Variants in LRRC7 observed in about 807,000 individuals in gnomAD.
LRRC7 encodes the protein leucine rich repeat containing 7.
A neutral mutation model predicts 175.7 loss-of-function variants in LRRC7; 23 were observed. The observed-to-expected ratio is 0.13, with a 90% CI of 0.09 to 0.19. The LOEUF is 0.19. Among genes scored for constraint, LRRC7 ranks in the 10% least tolerant of loss-of-function variants. LRRC7 has a pLI of 1.00. For missense variants in LRRC7, 1,354 were observed against 1,904.7 expected (o/e 0.71, Z 5.38); for synonymous variants, 685 against 680.9 (o/e 1.01, Z -0.09).
intron 2 of LRRC7, among the ~76,000 whole-genome samples, chr1:69,687,212 G>T (rs992838649): frequency 5.3e-5 from 8 of 151,990 alleles, no homozygotes; most frequent in African/African-American, 1.9e-4. Context: ...CTTAAAAAAA[G>T]AAACTATTAT....
intron 23 of LRRC7, among the ~76,000 whole-genome samples, chr1:70,073,518 G>A (rs2102122544): frequency 6.6e-6 from 1 of 152,224 alleles, no homozygotes; most frequent in East Asian, 1.9e-4. Context: ...TATAGCATTA[G>A]CTTTTCACCC....
chr1:69,830,328 T>A (rs2101287254), intron 5 of LRRC7, among the ~76,000 whole-genome samples: 1 of 151,938 alleles, frequency 6.6e-6, no homozygotes, highest in South Asian at 2.1e-4. Context: ...CTGTTTACTA[T>A]TCTTGATTTG....
chr1:69,696,919 A>G (rs1424636798), intron 2 of LRRC7, among the ~76,000 whole-genome samples: 1 of 152,220 alleles, frequency 6.6e-6, no homozygotes, highest in Non-Finnish European at 1.5e-5. Flanking sequence ...TCTTTTCTTT[A>G]TAAATTACCC....
intron 1 of LRRC7, among the ~76,000 whole-genome samples, chr1:69,623,123 G>A (rs751120230): frequency 1.3e-5 from 2 of 152,178 alleles, no homozygotes; most frequent in Non-Finnish European, 2.9e-5. Flanking sequence ...GATCCTATCT[G>A]AAAACAAAGT....
intron 2 of LRRC7, among the ~76,000 whole-genome samples, chr1:69,725,999 A>G (rs1666937486): frequency 6.6e-6 from 1 of 152,270 alleles, no homozygotes; most frequent in Non-Finnish European, 1.5e-5. Flanking sequence ...AACTGAGTTT[A>G]GTTGTTTAAA....
intron 4 of LRRC7, among the ~76,000 whole-genome samples, chr1:69,794,105 G>A (rs770432594): frequency 4.6e-5 from 7 of 152,184 alleles, no homozygotes; most frequent in Non-Finnish European, 1.0e-4. Flanking sequence ...AGTAAAAGAT[G>A]TTCCCTGAAG....
intron 2 of LRRC7, among the ~76,000 whole-genome samples, chr1:69,747,972 C>G (rs1411701041): frequency 1.3e-5 from 2 of 152,078 alleles, no homozygotes; most frequent in African/African-American, 4.8e-5. Context: ...TTTATTTTAA[C>G]TCTTCTTTCA....
rs1558093133 is a variant in LRRC7, at chr1:70,130,071, T to C, written c.*8184T>C. ...ACCATGAAACCCTCCCTAGTCTTCA[T>C]GGAAAAAAATTTCTGTACTCAGCAC... On this transcript the variant is annotated 3_prime_UTR_variant, in exon 27 of 27. Transcript: ENST00000651989. 1 of 152,180 alleles carries C rather than the reference T, an allele frequency of 6.6e-6. No individual in the cohort carries two copies. The highest frequency in any genetic ancestry group is 1.9e-4 in the East Asian group (1 of 5,198). 9.4% of individuals were successfully genotyped at this position (152,180 alleles called of 1,614,324 possible).
chr1:69,974,067 C>A (rs1652557959), intron 8 of LRRC7, among the ~76,000 whole-genome samples: 1 of 152,116 alleles, frequency 6.6e-6, no homozygotes, highest in Non-Finnish European at 1.5e-5. Context: ...TATATGTATT[C>A]ATCAGTATAT....
intron 1 of LRRC7, chr1:69,607,199 G>T (rs1647732875): frequency 6.6e-6 from 1 of 152,050 alleles, no homozygotes; most frequent in South Asian, 2.1e-4. Context: ...TGGTAATTGG[G>T]CTCCTGTCTG....
intron 2 of LRRC7, among the ~76,000 whole-genome samples, chr1:69,705,403 A>G (rs1243476218): frequency 6.6e-6 from 1 of 152,110 alleles, no homozygotes. Flanking sequence ...AGCTAACATC[A>G]TTGGGACAGG....
intron 8 of LRRC7, among the ~76,000 whole-genome samples, chr1:69,947,689 A>G (rs942852301): frequency 3.9e-5 from 6 of 152,058 alleles, no homozygotes; most frequent in Non-Finnish European, 8.8e-5. Context: ...ATGCACTACT[A>G]CAATATTCCC....
chr1:69,578,097 A>G (rs564826323), intron 1 of LRRC7, among the ~76,000 whole-genome samples: 43 of 152,320 alleles, frequency 2.8e-4, no homozygotes, highest in African/African-American at 1.0e-3. Context: ...ATTCACAAGA[A>G]AAAAGCAAAC....
At chr1:69,713,534 A>G (rs1665020063) in intron 2 of LRRC7, among the ~76,000 whole-genome samples, 1 of 151,892 alleles carries the variant, frequency 6.6e-6, no homozygotes, top group East Asian at 1.9e-4. Flanking sequence ...TTTTTTTTTT[A>G]ACTATGAGAT....
chr1:69,954,945 T>C (rs1410322938), intron 8 of LRRC7, among the ~76,000 whole-genome samples: 5 of 152,194 alleles, frequency 3.3e-5, no homozygotes, highest in African/African-American at 1.2e-4. Flanking sequence ...ACTATGTGCA[T>C]GATACAAATT....
chr1:69,910,089 A>T (rs568640800), intron 7 of LRRC7, among the ~76,000 whole-genome samples: 75 of 151,564 alleles, frequency 4.9e-4, no homozygotes, highest in African/African-American at 1.8e-3. Flanking sequence ...TGCATTCTTC[A>T]CGTAGTTCTC....
At chr1:69,587,223 T>G (rs1646438420) in intron 1 of LRRC7, among the ~76,000 whole-genome samples, 1 of 152,286 alleles carries the variant, frequency 6.6e-6, no homozygotes, top group East Asian at 1.9e-4. Flanking sequence ...CTTTCTTCCC[T>G]TATGAGCATA....
rs778721024 is a variant in LRRC7 at position 70,139,885 on chromosome 1, A to C, written c.*17998A>C. 1 of 152,174 alleles carries C rather than the reference A, an allele frequency of 6.6e-6. No individual in the cohort carries two copies. The highest frequency in any genetic ancestry group is 1.5e-5 in the Non-Finnish European group (1 of 68,020). 9.4% of individuals were successfully genotyped at this position (152,174 alleles called of 1,614,324 possible). A position where few individuals can be genotyped will look rare whatever the true frequency, so the allele number is the denominator to read the frequency against. ...TCCTACAGTCTGGTTTGATCAGTTT[A>C]TTATTAAGTACTGAATGACAGAGAA... On this transcript the variant is annotated 3_prime_UTR_variant, in exon 27 of 27. Coordinates refer to ENST00000651989, the MANE Select transcript of LRRC7 (RefSeq NM_001370785.2).
intron 7 of LRRC7, among the ~76,000 whole-genome samples, chr1:69,866,763 G>C (rs1684987877): frequency 6.6e-6 from 1 of 152,114 alleles, no homozygotes; most frequent in South Asian, 2.1e-4. Context: ...GTGCTCCTTT[G>C]GTAATGATTA....
Sources: allele counts gnomAD v4.1 joint callset (sites outside exome capture counted in the v4.1 genomes callset), GRCh38; gene constraint gnomAD v4.1.1; transcripts MANE v1.5; gene names NCBI Gene and HGNC (gene_info 2026-07-23, HGNC 2026-07-21).